PCNX1: variants seen among roughly 807,000 people sequenced by gnomAD.
PCNX1 encodes the protein pecanex 1.
Under a neutral mutation model 242.2 loss-of-function variants are expected in PCNX1, and 78 were observed. The ratio of observed to expected loss-of-function variants is 0.32; its 90% CI spans 0.27 to 0.39. The LOEUF (loss-of-function observed/expected upper bound fraction) is 0.39. PCNX1 is among the 10% of genes least tolerant of loss of function. The pLI is 1.00. For synonymous variants in PCNX1, 1,024 were observed against 1,032.9 expected, an observed-to-expected ratio of 0.99 and a Z score of 0.17; for missense variants, 2,581 against 2,856.5, an observed-to-expected ratio of 0.90 and a Z score of 2.20.
intron 22 of PCNX1, among the ~76,000 whole-genome samples, chr14:71,048,739 C>T (rs1415590390): frequency 1.3e-5 from 2 of 151,916 alleles, no homozygotes; most frequent in Non-Finnish European, 2.9e-5. Flanking sequence ...GCCTGGTCAG[C>T]CACATTTGGC....
intron 1 of PCNX1, among the ~76,000 whole-genome samples, chr14:70,910,033 C>G (rs2055759743): frequency 6.1e-5 from 3 of 49,162 alleles, no homozygotes; most frequent in Non-Finnish European, 1.2e-4. Flanking sequence ...CGACTCCTCC[C>G]TCCTCCTCCT....
At chr14:70,965,144 C>T (rs1433049706) in intron 3 of PCNX1, among the ~76,000 whole-genome samples, 1 of 152,078 alleles carries the variant, frequency 6.6e-6, no homozygotes, top group Non-Finnish European at 1.5e-5. Flanking sequence ...TTCACCTCTG[C>T]CTTTCTCCCT....
chr14:71,013,216 G>A lies in PCNX1; in HGVS notation c.2996+14G>A, dbSNP rs1378817502. 1 of 1,554,028 alleles carries A rather than the reference G, an allele frequency of 6.4e-7. No homozygotes were observed. Among genetic ancestry groups the A allele is most frequent in the Non-Finnish European group, 8.9e-7 (1 of 1,125,150 alleles). ...CCTGTTTGATAGGTGAGATTATAGT[G>A]TGATATTAATGATACGTGTGGATTT... On this transcript the variant is annotated intron_variant, in intron 11 of 35. Transcript: ENST00000304743.
At chr14:70,910,035 C>T (rs2055760133) in intron 1 of PCNX1, among the ~76,000 whole-genome samples, 1 of 52,488 alleles carries the variant, frequency 1.9e-5, no homozygotes, top group East Asian at 8.5e-4. Context: ...ACTCCTCCCT[C>T]CTCCTCCTCC....
intron 11 of PCNX1, among the ~76,000 whole-genome samples, chr14:71,014,140 C>T (rs2059897146): frequency 1.3e-5 from 2 of 152,170 alleles, no homozygotes; most frequent in Admixed American, 1.3e-4. Context: ...ATTTATGGTT[C>T]ATATTTTATG....
At chr14:71,028,152 A>G (rs1031740156) in intron 15 of PCNX1, among the ~76,000 whole-genome samples, 7 of 151,980 alleles carry the variant, frequency 4.6e-5, no homozygotes, top group South Asian at 4.1e-4. Context: ...TGTTGTTGCT[A>G]TTGTTAGCAA....
chr14:70,910,229 T>TCTTCCTCCTCCTCCTCTTCCTCCTC (rs2055835085), intron 1 of PCNX1, among the ~76,000 whole-genome samples: 1 of 69,488 alleles, frequency 1.4e-5, no homozygotes, highest in Non-Finnish European at 3.2e-5. Context: ...CTCCTCCTCC[T>TCTTCCTCCTCCTCCTCTTCCTCCTC]CTCACCAGCA....
chr14:70,986,738 T>TA (rs530961279), intron 6 of PCNX1, among the ~76,000 whole-genome samples: 428 of 152,336 alleles, frequency 2.8e-3, no homozygotes, highest in Non-Finnish European at 4.7e-3. Flanking sequence ...TCTGCTATTT[T>TA]GGCTGAAACA....
intron 1 of PCNX1, among the ~76,000 whole-genome samples, chr14:70,922,321 T>C (rs961281054): frequency 6.6e-6 from 1 of 152,150 alleles, no homozygotes; most frequent in Admixed American, 6.5e-5. Context: ...AAATCTTTAA[T>C]AGGTATTAGA....
chr14:71,049,604 A>G (rs2060964810), intron 22 of PCNX1, among the ~76,000 whole-genome samples: 1 of 152,226 alleles, frequency 6.6e-6, no homozygotes. Context: ...TTATAATGGC[A>G]TCGTGATGAT....
At chr14:70,973,967 C>A (rs916117702) in intron 5 of PCNX1, among the ~76,000 whole-genome samples, 4 of 151,978 alleles carry the variant, frequency 2.6e-5, no homozygotes, top group African/African-American at 9.7e-5. Context: ...CCATTACACT[C>A]CCCATTTCCC....
chr14:71,071,608 A>T (rs1279222406), intron 26 of PCNX1, among the ~76,000 whole-genome samples: 1 of 151,882 alleles, frequency 6.6e-6, no homozygotes. Flanking sequence ...CTTCTCCTTC[A>T]CCTTACACCG....
chr14:71,029,250 G>A (rs1423042453), intron 16 of PCNX1, among the ~76,000 whole-genome samples: 1 of 152,096 alleles, frequency 6.6e-6, no homozygotes, highest in Non-Finnish European at 1.5e-5. Flanking sequence ...ATCTGGATGA[G>A]CCTTATGAAC....
At chr14:70,948,426 C>T (rs940154622) in intron 2 of PCNX1, among the ~76,000 whole-genome samples, 22 of 152,114 alleles carry the variant, frequency 1.4e-4, no homozygotes, top group African/African-American at 5.3e-4. Flanking sequence ...ATATTGGGGG[C>T]TGGTTCCCCT....
At chr14:71,060,481 GTTTGA>G (rs2061299926) in intron 26 of PCNX1, among the ~76,000 whole-genome samples, 1 of 152,124 alleles carries the variant, frequency 6.6e-6, no homozygotes, top group African/African-American at 2.4e-5. Flanking sequence ...TTTTCTCTGT[GTTTGA>G]TTTGATCTTG....
chr14:71,042,035 G>A (rs900278813), intron 19 of PCNX1, among the ~76,000 whole-genome samples: 1 of 152,096 alleles, frequency 6.6e-6, no homozygotes, highest in Non-Finnish European at 1.5e-5. Flanking sequence ...CATGGTCTGA[G>A]AAGATAACTT....
chr14:70,916,821 A>C (rs895127475), intron 1 of PCNX1, among the ~76,000 whole-genome samples: 2 of 152,216 alleles, frequency 1.3e-5, no homozygotes, highest in Admixed American at 1.3e-4. Flanking sequence ...TCTTCTTTTC[A>C]TGAAAGATTT....
rs573036789 is a variant in PCNX1, at chr14:71,109,501, A to G, written c.6794A>G (p.Lys2265Arg). The G allele has an allele frequency of 6.2e-7, 1 of 1,613,892 alleles. No homozygotes were observed. Among genetic ancestry groups the G allele is most frequent in the Admixed American group, 1.7e-5 (1 of 60,026 alleles). The change falls in exon 35 of 36, where the codon AAA becomes AGA. Residue 2265 changes from lysine to arginine, a missense_variant. Lys to Arg is a conservative substitution (Grantham distance 26, BLOSUM62 2). Transcript: ENST00000304743. ...ILEGINLSKRKELQWPDEGIR... is the reference protein window; with the variant it reads ...ILEGINLSKRRELQWPDEGIR... ...GAAGGGATCAACCTGTCTAAAAGGAAAGAGCTACAGTGGCCTGATGAAGGA... is the reference window on the plus strand; with the variant it reads ...GAAGGGATCAACCTGTCTAAAAGGAGAGAGCTACAGTGGCCTGATGAAGGA...
At chr14:70,963,314 T>C (rs749217173) in intron 3 of PCNX1, among the ~76,000 whole-genome samples, 2 of 152,210 alleles carry the variant, frequency 1.3e-5, no homozygotes, top group Non-Finnish European at 2.9e-5. Context: ...TTTACAAGGC[T>C]CTACAGAGTA....
Sources: gnomAD v4.1 joint callset for allele counts (sites outside exome capture counted in the v4.1 genomes callset) on GRCh38, gnomAD v4.1.1 for gene constraint, MANE v1.5 for transcripts, NCBI Gene and HGNC (gene_info 2026-07-23, HGNC 2026-07-21) for gene names.